Variants in ANKRD30BL observed in about 807,000 individuals in gnomAD.
ANKRD30BL encodes the protein putative ankyrin repeat domain-containing protein 30B-like.
Under a neutral mutation model 18.4 loss-of-function variants are expected in ANKRD30BL, and 20 were observed. That is an observed-to-expected ratio of 1.09 (90% CI 0.77 to 1.58). The LOEUF is 1.58. Ranked by LOEUF, ANKRD30BL falls within the 40% of genes most tolerant of loss-of-function variation. The pLI is 0.00. For missense variants in ANKRD30BL, 224 were observed against 268.6 expected (o/e 0.83, Z 1.16); for synonymous variants, 72 against 100.9 (o/e 0.71, Z 1.72).
At chr2:132,148,489 C>T (rs1216066107) in intron 5 of ANKRD30BL, among the ~76,000 whole-genome samples, 3 of 150,802 alleles carry the variant, frequency 2.0e-5, no homozygotes, top group Non-Finnish European at 4.4e-5. Flanking sequence ...CCTACCTCAG[C>T]CTCCCATGTA....
At chr2:132,230,929 A>G (rs1210740559) in intron 1 of ANKRD30BL, among the ~76,000 whole-genome samples, 1 of 152,150 alleles carries the variant, frequency 6.6e-6, no homozygotes, top group Admixed American at 6.6e-5. Flanking sequence ...CTCTTTTTGT[A>G]AAATCTGCAA....
intron 1 of ANKRD30BL, among the ~76,000 whole-genome samples, chr2:132,219,963 G>T (rs1166996913): frequency 6.6e-6 from 1 of 151,742 alleles, no homozygotes; most frequent in Admixed American, 6.6e-5. Flanking sequence ...GACATTTGGA[G>T]CGCCTTGAGG....
intron 1 of ANKRD30BL, among the ~76,000 whole-genome samples, chr2:132,251,495 C>A (rs1194258650): frequency 1.3e-5 from 2 of 152,224 alleles, no homozygotes; most frequent in African/African-American, 4.8e-5. Flanking sequence ...CCCTTGGCAA[C>A]CCCATAGTCT....
chr2:132,225,754 G>C (rs1369367792), intron 1 of ANKRD30BL, among the ~76,000 whole-genome samples: 1 of 152,046 alleles, frequency 6.6e-6, no homozygotes, highest in Admixed American at 6.6e-5. Context: ...TGATAGAGCA[G>C]GTTTCAAACA....
intron 1 of ANKRD30BL, among the ~76,000 whole-genome samples, chr2:132,221,138 C>T (rs1332225565): frequency 6.8e-6 from 1 of 147,426 alleles, no homozygotes; most frequent in Non-Finnish European, 1.5e-5. Context: ...GCCACCCCGT[C>T]TGGGAAGTGA....
chr2:132,216,004 C>G (rs1273183153), intron 1 of ANKRD30BL, among the ~76,000 whole-genome samples: 2 of 150,656 alleles, frequency 1.3e-5, no homozygotes, highest in East Asian at 4.0e-4. Flanking sequence ...ACATTTGGAA[C>G]ACTTTGAGGC....
At chr2:132,164,497 G>A (rs191622209), upstream of ANKRD30BL, among the ~76,000 whole-genome samples, 550 of 151,590 alleles carry the variant, frequency 3.6e-3, 1 homozygote, top group African/African-American at 0.012. Flanking sequence ...CACCATTTTG[G>A]CCAGGCTGGT....
chr2:132,225,447 T>A (rs1257089749), intron 1 of ANKRD30BL, among the ~76,000 whole-genome samples: 4 of 152,080 alleles, frequency 2.6e-5, no homozygotes, highest in Non-Finnish European at 5.9e-5. Context: ...AATCTGCAAG[T>A]GAATATTTGG....
chr2:132,175,469 C>T lies in ANKRD30BL; in HGVS notation n.442-18323G>A, dbSNP rs183837063. Among the ~76,000 whole-genome samples the T allele has an allele frequency of 2.6e-5, 4 of 152,340 alleles. No homozygotes were observed. In the East Asian group the frequency reaches 5.8e-4, roughly 22 times the overall value. On this transcript the variant is annotated intron_variant and non_coding_transcript_variant, in intron 1 of 4. Coordinates refer to the ANKRD30BL transcript ENST00000470729. ...GTTTTTCTCCTATCTCAGAATTGAA[C>T]AAATGTAAAATCGGGTATTATACTG...
chr2:132,148,090 T>A lies in ANKRD30BL; in HGVS notation c.*41A>T, dbSNP rs1188989355. On this transcript the variant is annotated 3_prime_UTR_variant, in exon 6 of 6. Transcript: ENST00000409867. ...CTTCCCCCTCTTGAATTTTAAAGGA[T>A]GTTTACAGGCTAAAATCTTTGAAGA... The A allele has an allele frequency of 2.7e-6, 4 of 1,468,436 alleles. No individual in the cohort carries two copies. Among genetic ancestry groups the A allele is most frequent in the Middle Eastern group, 2.4e-4 (1 of 4,234 alleles). The allele number at this position is 1,468,436 out of a possible 1,614,324, so 91.0% of individuals were successfully genotyped here. A position where few individuals can be genotyped will look rare whatever the true frequency, so the allele number is the denominator to read the frequency against.
intron 1 of ANKRD30BL, among the ~76,000 whole-genome samples, chr2:132,200,216 C>T (rs1297301172): frequency 6.6e-6 from 1 of 151,578 alleles, no homozygotes; most frequent in Non-Finnish European, 1.5e-5. Flanking sequence ...TGGAAGCATT[C>T]CCTTTGAAAA....
At chr2:132,237,269 G>GAATAAT (rs893427309) in intron 1 of ANKRD30BL, among the ~76,000 whole-genome samples, 1 of 151,884 alleles carries the variant, frequency 6.6e-6, no homozygotes, top group Non-Finnish European at 1.5e-5. Context: ...AAAACTTAAA[G>GAATAAT]AATAATAATA....
chr2:132,157,791 T>C (rs561572060), intron 1 of ANKRD30BL, among the ~76,000 whole-genome samples: 19 of 152,304 alleles, frequency 1.2e-4, no homozygotes, highest in African/African-American at 4.1e-4. Flanking sequence ...CATGAGAATA[T>C]GTGCAATGTA....
In ANKRD30BL at chr2:132,221,469, C is replaced by T. The variant is rs1481744435; in HGVS notation, n.441+36060G>A. Among the ~76,000 whole-genome samples, 215 of 120,950 alleles carry T rather than the reference C, an allele frequency of 1.8e-3. 3 individuals are homozygous for T. The highest frequency in any genetic ancestry group is 7.3e-3 in the African/African-American group (187 of 25,744). The allele number at this position is 120,950 out of a possible 152,430, so 79.3% of individuals were successfully genotyped here. On this transcript the variant is annotated intron_variant and non_coding_transcript_variant, in intron 1 of 4. Transcript: ENST00000470729. The stretch of plus-strand genomic sequence containing the variant: ...GCCACCCCGTCCGGGAGGTGAGGGG[C>T]GCCTCTGCCTGGCCGCCCCTACTGG...
At chr2:132,155,272 G>C (rs13393632) in intron 3 of ANKRD30BL, 43,777 of 152,060 alleles carry the variant, frequency 0.29, 9,914 homozygotes, top group African/African-American at 0.61. Flanking sequence ...TTCAAGAAAT[G>C]AATTGAACTT....
At chr2:132,173,641 T>G (rs1420773455) in intron 1 of ANKRD30BL, among the ~76,000 whole-genome samples, 1 of 152,102 alleles carries the variant, frequency 6.6e-6, no homozygotes, top group Non-Finnish European at 1.5e-5. Context: ...TTCTTGTTTT[T>G]GGGGAAAAAA....
At chr2:132,158,195 TGC>T (rs1687963503) in intron 1 of ANKRD30BL, among the ~76,000 whole-genome samples, 1 of 152,032 alleles carries the variant, frequency 6.6e-6, no homozygotes, top group Non-Finnish European at 1.5e-5. Context: ...CTTTTAAGAG[TGC>T]TATACAAAAG....
chr2:132,242,776 G>C (rs1006126140), intron 1 of ANKRD30BL, among the ~76,000 whole-genome samples: 6 of 151,760 alleles, frequency 4.0e-5, no homozygotes, highest in African/African-American at 9.7e-5. Context: ...TCAACTCACA[G>C]ACGTGAACCT....
rs1312837500 is a variant in ANKRD30BL, at chr2:132,157,344, C to T, written c.298G>A (p.Val100Ile). 2.0e-5 allele frequency: 15 copies of T among 754,772 alleles called. No individual in the cohort carries two copies. Among genetic ancestry groups the T allele is most frequent in the Non-Finnish European group, 2.9e-5 (12 of 414,620 alleles). The allele number at this position is 754,772 out of a possible 1,614,324, so 46.8% of individuals were successfully genotyped here. ...ATGGTCCTGTTTTCACCATCAAGGA[C>T]GTCAAGCTGACACTTTCTATCTACC... ...LLVDRKCQLD[V>I]LDGENRTILM... The change falls in exon 2 of 6, where the codon GTC becomes ATC. Residue 100 changes from valine (V) to isoleucine (I), a missense_variant. Around this residue, in one of 3 missense-constraint regions of ANKRD30BL, gnomAD observed 131 missense variants for 128.8 expected, o/e 1.02. Transcript: ENST00000409867.
Sources: allele counts gnomAD v4.1 joint callset (sites outside exome capture counted in the v4.1 genomes callset), GRCh38; gene constraint gnomAD v4.1.1; regional missense constraint gnomAD v4.1.1; transcripts MANE v1.5; gene names NCBI Gene and HGNC (gene_info 2026-07-23, HGNC 2026-07-21).